Variants in UTP15 observed in about 807,000 individuals in gnomAD.
UTP15 encodes U3 small nucleolar RNA-associated protein 15 homolog.
A neutral mutation model predicts 59.1 loss-of-function variants in UTP15; 5 were observed. The ratio of observed to expected loss-of-function variants is 0.08; its 90% confidence interval spans 0.04 to 0.18. The LOEUF is 0.18. UTP15 is among the 10% of genes least tolerant of loss of function. The pLI, the probability that UTP15 is intolerant of heterozygous loss-of-function variation, is 1.00. For missense variants in UTP15, 494 were observed against 616.7 expected, an observed-to-expected ratio of 0.80 and a Z score of 2.11; for synonymous variants, 211 against 212.2, an observed-to-expected ratio of 0.99 and a Z score of 0.05.
intron 9 of UTP15, 186 bp from the exon 10 acceptor site, chr5:73,578,565 C>CTT: frequency 2.6e-4 from 114 of 444,248 alleles, no homozygotes; most frequent in South Asian, 6.2e-4. Context: ...CAAGTTACTC[C>CTT]TTTTTTTTTT....
At chr5:73,573,363 C>A (rs1220632) in intron 7 of UTP15, among the ~76,000 whole-genome samples, 27,641 of 150,146 alleles carry the variant, frequency 0.18, 2,865 homozygotes, top group Non-Finnish European at 0.23. Flanking sequence ...TTCTCGTGAC[C>A]CAGCCTCCCA....
At chr5:73,579,815 G>T in intron 12 of UTP15, 62 bp from the exon 13 acceptor site, 4 of 1,119,598 alleles carry the variant, frequency 3.6e-6, no homozygotes, top group East Asian at 5.1e-5. Context: ...AAAAACTTTT[G>T]CTTTTCACTT....
Position 73,579,930 on chromosome 5 carries a change from C to G in UTP15, c.1393C>G (p.Leu465Val). Residue 465 changes from leucine to valine, a missense_variant, in exon 13 of 13, where the codon CTA becomes GTA. Physicochemically the swap from Leu to Val is conservative, Grantham distance 32 (BLOSUM62 1). Transcript: ENST00000296792. Reference protein sequence around the residue: ...QSPVVDKKFLLLQGLVEKEID... With the variant: ...QSPVVDKKFLVLQGLVEKEID... ...CCCTGTAGTTGATAAAAAGTTTTTACTACTTCAAGGACTTGTAGAAAAAGA... is the reference window on the plus strand; with the variant it reads ...CCCTGTAGTTGATAAAAAGTTTTTAGTACTTCAAGGACTTGTAGAAAAAGA... 2 of 1,613,614 alleles carry G rather than the reference C, an allele frequency of 1.2e-6. No individual in the cohort carries two copies. The highest frequency in any genetic ancestry group is 1.7e-6 in the Non-Finnish European group (2 of 1,179,704).
Position 73,576,979 on chromosome 5 carries a change from C to G in UTP15, c.837C>G (p.Ser279=). 1 of 1,609,806 alleles carries G rather than the reference C, an allele frequency of 6.2e-7. No individual in the cohort carries two copies. Among genetic ancestry groups the G allele is most frequent in the Non-Finnish European group, 8.5e-7 (1 of 1,178,912 alleles). The change falls in exon 8 of 13, where the codon TCC becomes TCG. Residue 279 remains serine (S), a synonymous_variant. Coordinates refer to ENST00000296792, the MANE Select transcript of UTP15 (RefSeq NM_032175.4). ...AGGTGAAAGTATACAGCACAACTTC[C>G]TACAAAGTAGTCCACAGTTTTGATT... The part of the protein sequence containing the change: ...DRKVKVYSTT[S]YKVVHSFDYA...
chr5:73,575,981 A>G (rs767772211), intron 7 of UTP15, among the ~76,000 whole-genome samples: 5 of 150,946 alleles, frequency 3.3e-5, no homozygotes, highest in Non-Finnish European at 7.4e-5. Flanking sequence ...TCGGCCTCCA[A>G]AAGTGCTGGG....
rs1217690561 is a variant in UTP15, at chr5:73,572,505, A to C, written c.690A>C (p.Lys230Asn). 1 of 1,612,946 alleles carries C rather than the reference A, an allele frequency of 6.2e-7. No individual in the cohort carries two copies. Among genetic ancestry groups the C allele is most frequent in the Non-Finnish European group, 8.5e-7 (1 of 1,179,722 alleles). The change falls in exon 7 of 13, where the codon AAA becomes AAC. Residue 230 changes from lysine to asparagine, a missense_variant. Physicochemically the swap from Lys to Asn is moderately conservative, Grantham distance 94 (BLOSUM62 0). Transcript: ENST00000296792. ...LLVSAGGRYV[K>N]VWDMLKGGQL... The stretch of plus-strand genomic sequence containing the variant: ...TTTTTATAGGAGGTCGTTATGTTAA[A>C]GTCTGGGACATGTTAAAAGGAGGAC...
At chr5:73,574,853 A>G (rs967968626) in intron 7 of UTP15, among the ~76,000 whole-genome samples, 1 of 152,140 alleles carries the variant, frequency 6.6e-6, no homozygotes, top group Non-Finnish European at 1.5e-5. Context: ...GAAAAACTTT[A>G]GTTTTCAGCA....
rs1057300273 is a variant in UTP15, at chr5:73,582,076, C to T, written c.*1982C>T. Reference sequence around the variant, plus strand: ...TTGCCGTCAATTGTGTAACATGTGACAAAGGTTTTCCCATATGTCATTTCA... The same window carrying T: ...TTGCCGTCAATTGTGTAACATGTGATAAAGGTTTTCCCATATGTCATTTCA... On this transcript the variant is annotated 3_prime_UTR_variant, in exon 13 of 13. Transcript: ENST00000296792. The T allele has an allele frequency of 6.6e-6, 1 of 152,160 alleles. No individual in the cohort carries two copies. The highest frequency in any genetic ancestry group is 1.9e-4 in the East Asian group (1 of 5,200). 9.4% of individuals were successfully genotyped at this position (152,160 alleles called of 1,614,324 possible).
intron 4 of UTP15, 150 bp from the exon 5 acceptor site, chr5:73,569,347 T>TA (rs1747869323): frequency 5.6e-6 from 3 of 536,444 alleles, no homozygotes; most frequent in Non-Finnish European, 9.2e-6. Context: ...CACTTGTAAG[T>TA]TTTCTCTTTC....
intron 2 of UTP15, among the ~76,000 whole-genome samples, chr5:73,567,966 T>C (rs1394994367): frequency 1.3e-5 from 2 of 151,932 alleles, no homozygotes; most frequent in African/African-American, 2.4e-5. Context: ...CATGATAACT[T>C]TTTTTTTCTG....
At chr5:73,567,696 T>A in intron 2 of UTP15, 1 of 267,384 alleles carries the variant, frequency 3.7e-6, no homozygotes, top group African/African-American at 2.2e-5. Flanking sequence ...TTTTAAAATT[T>A]GAATCTCATA....
chr5:73,576,014 G>A (rs1374098393), intron 7 of UTP15, among the ~76,000 whole-genome samples: 2 of 150,064 alleles, frequency 1.3e-5, no homozygotes, highest in East Asian at 2.0e-4. Flanking sequence ...GTGAGCCACC[G>A]CACCCGGCTA....
chr5:73,567,386 A>G lies in UTP15; in HGVS notation c.42A>G (p.Ile14Met). The change falls in exon 2 of 13, where the codon ATA becomes ATG. Residue 14 changes from isoleucine (I) to methionine (M), a missense_variant. Coordinates refer to ENST00000296792, the MANE Select transcript of UTP15 (RefSeq NM_032175.4). Reference sequence around the variant, plus strand: ...CTGTAGCTATTCAGACATATCCTATACTTGGTGAAAAAATCACCCAAGATA... The same window carrying G: ...CTGTAGCTATTCAGACATATCCTATGCTTGGTGAAAAAATCACCCAAGATA... ...YKPVAIQTYP[I>M]LGEKITQDTL... 6.2e-7 allele frequency: 1 copy of G among 1,610,302 alleles called. No individual in the cohort carries two copies. The highest frequency in any genetic ancestry group is 1.7e-4 in the Middle Eastern group (1 of 6,050).
chr5:73,566,193 T>G (rs1747756105), intron 1 of UTP15: 1 of 227,126 alleles, frequency 4.4e-6, no homozygotes, highest in Non-Finnish European at 9.1e-6. Context: ...TCAGGTGAAG[T>G]GAACCTAATG....
At chr5:73,576,602 G>T (rs1748106502) in intron 7 of UTP15, among the ~76,000 whole-genome samples, 1 of 151,904 alleles carries the variant, frequency 6.6e-6, no homozygotes, top group African/African-American at 2.4e-5. Context: ...AGCTTCCCAA[G>T]TAGCTGGGAT....
At chr5:73,578,878 A>C (rs766550475) in intron 10 of UTP15, 26 bp downstream of exon 10, 4 of 1,580,584 alleles carry the variant, frequency 2.5e-6, no homozygotes, top group African/African-American at 1.3e-5. Context: ...TTAAAAAATC[A>C]TGTTATTACT....
chr5:73,565,965 C>T, intron 1 of UTP15, 53 bp downstream of exon 1: 1 of 445,516 alleles, frequency 2.2e-6, no homozygotes, highest in Non-Finnish European at 4.5e-6. Flanking sequence ...CCCGGCCTTC[C>T]TGTGTTAATC....
Position 73,578,738 on chromosome 5 carries a change from C to G in UTP15, c.1045-13C>G. 1 of 1,610,454 alleles carries G rather than the reference C, an allele frequency of 6.2e-7. No individual in the cohort carries two copies. Among genetic ancestry groups the G allele is most frequent in the Non-Finnish European group, 8.5e-7 (1 of 1,176,936 alleles). ...CTGATTTTCCTTCTCTATAAATGTA[C>G]TTTTCATTGCAGGATGACATTTTGA... is the stretch of plus-strand genomic sequence containing the variant. On this transcript the variant is annotated splice_polypyrimidine_tract_variant and intron_variant, in intron 9 of 12. Coordinates refer to ENST00000296792, the MANE Select transcript of UTP15 (RefSeq NM_032175.4).
Position 73,569,626 on chromosome 5 carries a change from T to C in UTP15, c.498T>C (p.Tyr166=). The C allele has an allele frequency of 6.2e-7, 1 of 1,613,560 alleles. No homozygotes were observed. Among genetic ancestry groups the C allele is most frequent in the Non-Finnish European group, 8.5e-7 (1 of 1,179,806 alleles). ...TGACATTTAAAGAACACTCTGATTATGTGAGGTGTGGATGTGCTAGCAAAC... is the reference window on the plus strand; with the variant it reads ...TGACATTTAAAGAACACTCTGATTACGTGAGGTGTGGATGTGCTAGCAAAC... ...EILTFKEHSD[Y]VRCGCASKLN... The change falls in exon 5 of 13, where the codon TAT becomes TAC. Residue 166 remains tyrosine, a synonymous_variant. Transcript: ENST00000296792.
Sources: allele counts gnomAD v4.1 joint callset (sites outside exome capture counted in the v4.1 genomes callset), GRCh38; gene constraint gnomAD v4.1.1; transcripts MANE v1.5; gene names NCBI Gene and HGNC (gene_info 2026-07-23, HGNC 2026-07-21).